Variants in CSMD1 observed in about 807,000 individuals in gnomAD.
CSMD1 encodes the protein CUB and sushi domain-containing protein 1.
CSMD1 carries 213 observed loss-of-function variants against 417.5 expected under a neutral mutation model. The ratio of observed to expected loss-of-function variants is 0.51; its 90% CI spans 0.46 to 0.57. The LOEUF (loss-of-function observed/expected upper bound fraction) is 0.57. Ranked by LOEUF, CSMD1 falls within the 20% of genes least tolerant of loss-of-function variation. The pLI is 0.00. For missense variants in CSMD1, 6,923 were observed against 4,529.7 expected (o/e 1.53, Z -15.17); for synonymous variants, 2,862 against 1,736.8 (o/e 1.65, Z -16.11).
intron 5 of CSMD1, among the ~76,000 whole-genome samples, chr8:3,780,983 T>C (rs146413299): frequency 6.6e-6 from 1 of 152,336 alleles, no homozygotes; most frequent in East Asian, 1.9e-4. Flanking sequence ...TCTGAAAATA[T>C]CTGTGACATT....
At chr8:4,103,566 C>T (rs908586068) in intron 3 of CSMD1, among the ~76,000 whole-genome samples, 7 of 151,778 alleles carry the variant, frequency 4.6e-5, no homozygotes, top group East Asian at 1.9e-4. Context: ...AAGTTTGATA[C>T]GATGGATACA....
chr8:4,902,013 T>C (rs540552376), intron 1 of CSMD1, among the ~76,000 whole-genome samples: 1 of 152,304 alleles, frequency 6.6e-6, no homozygotes, highest in South Asian at 2.1e-4. Flanking sequence ...TGTAAGGAAA[T>C]GCAGCTATGA....
At chr8:4,512,795 G>A (rs1802894022) in intron 2 of CSMD1, among the ~76,000 whole-genome samples, 1 of 149,046 alleles carries the variant, frequency 6.7e-6, no homozygotes, top group Non-Finnish European at 1.5e-5. Flanking sequence ...ACTAAACAAA[G>A]AGATAGCCCA....
intron 1 of CSMD1, among the ~76,000 whole-genome samples, chr8:4,666,991 T>G (rs1342442675): frequency 6.6e-6 from 1 of 152,194 alleles, no homozygotes; most frequent in East Asian, 1.9e-4. Flanking sequence ...AGTTTATATA[T>G]GTAAGAATAT....
chr8:4,392,162 G>A (rs1431330184), intron 3 of CSMD1, among the ~76,000 whole-genome samples: 4 of 152,174 alleles, frequency 2.6e-5, no homozygotes, highest in Admixed American at 6.5e-5. Context: ...ACTGTCATGG[G>A]CATTTTTGTT....
At chr8:3,131,646 A>G (rs1452987412) in intron 41 of CSMD1, among the ~76,000 whole-genome samples, 1 of 151,870 alleles carries the variant, frequency 6.6e-6, no homozygotes, top group African/African-American at 2.4e-5. Flanking sequence ...TACTTTTTGT[A>G]TTTTAAGTAG....
At chr8:4,099,787 T>G (rs1801212047) in intron 3 of CSMD1, among the ~76,000 whole-genome samples, 1 of 152,192 alleles carries the variant, frequency 6.6e-6, no homozygotes, top group South Asian at 2.1e-4. Flanking sequence ...TCCCTTATGA[T>G]AGTACTGGGA....
At chr8:3,305,283 T>C (rs944221327) in intron 25 of CSMD1, among the ~76,000 whole-genome samples, 1 of 152,042 alleles carries the variant, frequency 6.6e-6, no homozygotes, top group Non-Finnish European at 1.5e-5. Context: ...TCCCAACAGA[T>C]CAATAATCAT....
chr8:4,617,155 A>G (rs1585337459), intron 2 of CSMD1, among the ~76,000 whole-genome samples: 2 of 152,274 alleles, frequency 1.3e-5, no homozygotes, highest in East Asian at 3.9e-4. Flanking sequence ...ATGTATTTCT[A>G]TTATCACTAT....
At chr8:3,826,097 T>G (rs1470228264) in intron 5 of CSMD1, among the ~76,000 whole-genome samples, 1 of 152,102 alleles carries the variant, frequency 6.6e-6, no homozygotes, top group East Asian at 1.9e-4. Flanking sequence ...ACAACTATGC[T>G]TCTGTAACAA....
chr8:3,708,326 G>T, intron 7 of CSMD1, 88 bp downstream of exon 7: 2 of 1,015,928 alleles, frequency 2.0e-6, no homozygotes, highest in Non-Finnish European at 3.1e-6. Context: ...TGGGGAAGGT[G>T]GTGGGTGGGA....
At chr8:4,058,570 A>G (rs1463814792) in intron 3 of CSMD1, among the ~76,000 whole-genome samples, 4 of 151,460 alleles carry the variant, frequency 2.6e-5, no homozygotes, top group Admixed American at 1.3e-4. Context: ...TCCAACATAT[A>G]GGCTCAAAAT....
intron 1 of CSMD1, among the ~76,000 whole-genome samples, chr8:4,700,075 A>C (rs562999380): frequency 6.6e-6 from 1 of 152,294 alleles, no homozygotes; most frequent in Non-Finnish European, 1.5e-5. Context: ...TTTCCTAATG[A>C]GATGAAGGAG....
At chr8:4,299,020 A>G (rs1198082986) in intron 3 of CSMD1, among the ~76,000 whole-genome samples, 2 of 152,158 alleles carry the variant, frequency 1.3e-5, no homozygotes, top group East Asian at 3.9e-4. Flanking sequence ...GCCATTTAAA[A>G]AGCAGAATAA....
At chr8:3,580,161 G>C (rs1455075368) in intron 9 of CSMD1, among the ~76,000 whole-genome samples, 1 of 152,156 alleles carries the variant, frequency 6.6e-6, no homozygotes, top group African/African-American at 2.4e-5. Context: ...CTCATCATGA[G>C]TTGAACACTG....
chr8:4,749,433 G>C (rs7831951), intron 1 of CSMD1, among the ~76,000 whole-genome samples: 18 of 152,060 alleles, frequency 1.2e-4, no homozygotes, highest in South Asian at 2.1e-4. Context: ...AGGTATTGCC[G>C]TTTGGCCATG....
chr8:3,596,099 C>T (rs781752309), intron 8 of CSMD1, among the ~76,000 whole-genome samples: 23 of 152,256 alleles, frequency 1.5e-4, no homozygotes, highest in Admixed American at 3.3e-4. Context: ...GACCAAAAGG[C>T]GTTTTGCGGA....
intron 2 of CSMD1, among the ~76,000 whole-genome samples, chr8:4,488,315 C>G (rs1801519401): frequency 6.6e-6 from 1 of 152,100 alleles, no homozygotes; most frequent in Admixed American, 6.5e-5. Context: ...GAGTAGTTAA[C>G]ATGTGTAAAG....
intron 1 of CSMD1, among the ~76,000 whole-genome samples, chr8:4,710,727 C>T (rs555457745): frequency 5.9e-5 from 9 of 151,816 alleles, no homozygotes; most frequent in African/African-American, 2.2e-4. Flanking sequence ...TGCCTGTAAT[C>T]CCAGCTACTT....
Sources: gnomAD v4.1 joint callset for allele counts (sites outside exome capture counted in the v4.1 genomes callset) on GRCh38, gnomAD v4.1.1 for gene constraint, MANE v1.5 for transcripts, NCBI Gene and HGNC (gene_info 2026-07-23, HGNC 2026-07-21) for gene names.